LUZP2: variants seen among roughly 807,000 people sequenced by gnomAD.
LUZP2 encodes the protein leucine zipper protein 2.
LUZP2 carries 52 observed loss-of-function variants against 51.6 expected under a neutral mutation model. The observed-to-expected ratio is 1.01, with a 90% confidence interval of 0.81 to 1.27. The LOEUF is 1.27. Ranked by LOEUF, LUZP2 falls within the 50% of genes most tolerant of loss-of-function variation. LUZP2 has a pLI of 0.00. For missense variants in LUZP2, 436 were observed against 395.4 expected (o/e 1.10, Z -0.87); for synonymous variants, 154 against 137.3 (o/e 1.12, Z -0.85).
intron 1 of LUZP2, among the ~76,000 whole-genome samples, chr11:24,528,351 G>A (rs1850884914): frequency 6.6e-6 from 1 of 151,048 alleles, no homozygotes; most frequent in Non-Finnish European, 1.5e-5. Flanking sequence ...CTAAAGAGTG[G>A]ATAAATTTAC....
chr11:24,588,856 TA>T (rs1565010541), intron 1 of LUZP2, among the ~76,000 whole-genome samples: 1 of 151,306 alleles, frequency 6.6e-6, no homozygotes, highest in Non-Finnish European at 1.5e-5. Flanking sequence ...AATTTTTTTT[TA>T]AAAAAAGAAG....
intron 1 of LUZP2, among the ~76,000 whole-genome samples, chr11:24,565,196 A>C (rs893786132): frequency 4.6e-5 from 7 of 152,148 alleles, no homozygotes; most frequent in African/African-American, 1.4e-4. Flanking sequence ...CGCCCTCTGA[A>C]CTTTGTGTCT....
intron 1 of LUZP2, among the ~76,000 whole-genome samples, chr11:24,662,581 C>T (rs1379570681): frequency 6.6e-6 from 1 of 151,864 alleles, no homozygotes; most frequent in East Asian, 1.9e-4. Flanking sequence ...ATAATGAGGA[C>T]ATAAAATATT....
intron 10 of LUZP2, among the ~76,000 whole-genome samples, chr11:25,070,848 A>T (rs557516812): frequency 6.6e-6 from 1 of 150,670 alleles, no homozygotes; most frequent in Admixed American, 6.7e-5. Context: ...ACTGCCTGAC[A>T]AAATAAGAAA....
At chr11:24,978,798 T>C (rs970808950) in intron 8 of LUZP2, among the ~76,000 whole-genome samples, 1 of 151,764 alleles carries the variant, frequency 6.6e-6, no homozygotes. Flanking sequence ...CAAAACACTT[T>C]ATTTTGCAAC....
chr11:24,505,831 TAAAG>T (rs1253523671), intron 1 of LUZP2, among the ~76,000 whole-genome samples: 4 of 151,986 alleles, frequency 2.6e-5, no homozygotes, highest in Admixed American at 1.3e-4. Context: ...GAAAAAAAAA[TAAAG>T]AAAGACAGTA....
At chr11:24,898,095 G>T (rs756988870) in intron 5 of LUZP2, among the ~76,000 whole-genome samples, 1 of 151,996 alleles carries the variant, frequency 6.6e-6, no homozygotes, top group Non-Finnish European at 1.5e-5. Context: ...GAAAAAAACT[G>T]GAATGTATTT....
At chr11:24,575,106 C>T (rs34355204) in intron 1 of LUZP2, among the ~76,000 whole-genome samples, 26,128 of 151,886 alleles carry the variant, frequency 0.17, 2,726 homozygotes, top group Middle Eastern at 0.34. Context: ...TTTTAAGCTT[C>T]GACCATTTCA....
intron 1 of LUZP2, among the ~76,000 whole-genome samples, chr11:24,563,435 CTT>C (rs1342148490): frequency 2.6e-5 from 4 of 152,072 alleles, no homozygotes; most frequent in African/African-American, 9.7e-5. Flanking sequence ...CACAAGCAAA[CTT>C]AAGAGACCTT....
intron 9 of LUZP2, among the ~76,000 whole-genome samples, chr11:24,985,988 A>G (rs1017317403): frequency 6.6e-6 from 1 of 151,770 alleles, no homozygotes; most frequent in African/African-American, 2.4e-5. Context: ...GTGTAAGCTA[A>G]CAGAGGGAAT....
intron 5 of LUZP2, among the ~76,000 whole-genome samples, chr11:24,818,758 C>T (rs1279376197): frequency 7.2e-5 from 11 of 152,108 alleles, no homozygotes; most frequent in Non-Finnish European, 4.4e-5. Flanking sequence ...TTCACAGAGA[C>T]GCTTTCATGA....
chr11:25,078,683 G>T lies in LUZP2; in HGVS notation c.*25G>T. 1 of 1,514,106 alleles carries T rather than the reference G, an allele frequency of 6.6e-7. No individual in the cohort carries two copies. The highest frequency in any genetic ancestry group is 9.1e-7 in the Non-Finnish European group (1 of 1,102,352). The allele number at this position is 1,514,106 out of a possible 1,614,324, so 93.8% of individuals were successfully genotyped here. On this transcript the variant is annotated 3_prime_UTR_variant, in exon 12 of 12. Transcript: ENST00000336930. ...AATACTAAGAAACTGTGTTAAAAAC[G>T]TCCATTTGCTATTGTCTTCATATTC...
chr11:24,830,821 C>T (rs1041783691), intron 5 of LUZP2, among the ~76,000 whole-genome samples: 5 of 151,526 alleles, frequency 3.3e-5, no homozygotes, highest in South Asian at 2.1e-4. Flanking sequence ...GGTGAAACCC[C>T]GTCTCTACTA....
intron 1 of LUZP2, among the ~76,000 whole-genome samples, chr11:24,578,135 TA>T (rs1175935034): frequency 1.0e-4 from 15 of 148,250 alleles, no homozygotes; most frequent in Non-Finnish European, 2.1e-4. Flanking sequence ...TCCTTAATTT[TA>T]AAAAGCTTTT....
intron 1 of LUZP2, among the ~76,000 whole-genome samples, chr11:24,709,137 C>T (rs1226842006): frequency 6.6e-6 from 1 of 152,108 alleles, no homozygotes; most frequent in Non-Finnish European, 1.5e-5. Context: ...CATTCCTGAA[C>T]ATGTGGGAGA....
At chr11:25,033,170 A>C (rs1344932593) in intron 9 of LUZP2, among the ~76,000 whole-genome samples, 1 of 152,202 alleles carries the variant, frequency 6.6e-6, no homozygotes, top group African/African-American at 2.4e-5. Context: ...CAAATGGTGC[A>C]TGTGTTTTCT....
At chr11:24,967,883 T>A in intron 7 of LUZP2, among the ~76,000 whole-genome samples, 1 of 152,164 alleles carries the variant, frequency 6.6e-6, no homozygotes. Context: ...TGTGTGTGAC[T>A]TTGAATCATA....
chr11:24,742,816 T>G (rs1441230879), intron 4 of LUZP2, among the ~76,000 whole-genome samples: 1 of 152,168 alleles, frequency 6.6e-6, no homozygotes, highest in Non-Finnish European at 1.5e-5. Context: ...ACTAGAAATT[T>G]TATAGTTTCA....
At chr11:24,952,703 T>A (rs1233687250) in intron 7 of LUZP2, among the ~76,000 whole-genome samples, 1 of 151,966 alleles carries the variant, frequency 6.6e-6, no homozygotes, top group African/African-American at 2.4e-5. Flanking sequence ...TGGCAGACTT[T>A]TGTTTGCACA....
Sources: allele counts gnomAD v4.1 joint callset (sites outside exome capture counted in the v4.1 genomes callset), GRCh38; gene constraint gnomAD v4.1.1; transcripts MANE v1.5; gene names NCBI Gene and HGNC (gene_info 2026-07-23, HGNC 2026-07-21).